LPP: variants seen among roughly 807,000 people sequenced by gnomAD.
LPP encodes LIM domain containing preferred translocation partner in lipoma, also known as lipoma-preferred partner.
A neutral mutation model predicts 60.4 loss-of-function variants in LPP; 38 were observed. That is an observed-to-expected ratio of 0.63 (90% CI 0.49 to 0.83). The LOEUF (loss-of-function observed/expected upper bound fraction) is 0.83. Ranked by LOEUF, LPP falls within the 40% of genes least tolerant of loss-of-function variation. The probability of loss-of-function intolerance (pLI) is 0.00; values close to 1 mark genes in which losing one functional copy is unlikely to be tolerated. For missense variants in LPP, 902 were observed against 783.6 expected (o/e 1.15, Z -1.80); for synonymous variants, 328 against 290.8 (o/e 1.13, Z -1.30).
chr3:188,536,049 C>A (rs1823523612), intron 6 of LPP, among the ~76,000 whole-genome samples: 1 of 138,994 alleles, frequency 7.2e-6, no homozygotes, highest in African/African-American at 2.6e-5. Flanking sequence ...AGTCTTGTTG[C>A]CCAGGCTGGA....
At chr3:188,222,686 A>G (rs1024040199) in intron 1 of LPP, among the ~76,000 whole-genome samples, 3 of 152,180 alleles carry the variant, frequency 2.0e-5, no homozygotes. Flanking sequence ...TCAGGGCCAG[A>G]TAGAACTGTG....
chr3:188,867,091 C>T (rs1412233930), intron 10 of LPP, among the ~76,000 whole-genome samples: 1 of 151,860 alleles, frequency 6.6e-6, no homozygotes, highest in African/African-American at 2.4e-5. Flanking sequence ...ATTCATGGGC[C>T]CAAAATAATC....
At chr3:188,373,460 A>G (rs1166227617) in intron 3 of LPP, among the ~76,000 whole-genome samples, 1 of 152,222 alleles carries the variant, frequency 6.6e-6, no homozygotes, top group Non-Finnish European at 1.5e-5. Flanking sequence ...ATGGCCAGTG[A>G]TGATGAGCCT....
chr3:188,765,285 T>C (rs1733644943), intron 9 of LPP, among the ~76,000 whole-genome samples: 1 of 141,794 alleles, frequency 7.1e-6, no homozygotes, highest in African/African-American at 2.7e-5. Flanking sequence ...TGTCTCTCTT[T>C]CTGTCTCACA....
intron 2 of LPP, among the ~76,000 whole-genome samples, chr3:188,241,972 A>G (rs924470490): frequency 1.3e-5 from 2 of 152,126 alleles, no homozygotes; most frequent in Non-Finnish European, 2.9e-5. Flanking sequence ...GGTAGATTTC[A>G]TGATTCTGAC....
chr3:188,357,322 G>A (rs1767906465), intron 3 of LPP, among the ~76,000 whole-genome samples: 2 of 152,136 alleles, frequency 1.3e-5, no homozygotes, highest in Admixed American at 1.3e-4. Context: ...CATCTCCAAA[G>A]TTCCTCAGGA....
chr3:188,312,486 A>G (rs1345788332), intron 2 of LPP, among the ~76,000 whole-genome samples: 2 of 151,862 alleles, frequency 1.3e-5, no homozygotes, highest in African/African-American at 4.8e-5. Flanking sequence ...TCCTTTTTTG[A>G]TTTTATGTTT....
At chr3:188,199,800 C>T (rs1730552780) in intron 1 of LPP, among the ~76,000 whole-genome samples, 1 of 151,848 alleles carries the variant, frequency 6.6e-6, no homozygotes, top group African/African-American at 2.4e-5. Flanking sequence ...CTGCAACCTC[C>T]CCCTCCCAGG....
chr3:188,217,411 A>G lies in LPP; in HGVS notation c.-189-7994A>G, dbSNP rs1477859366. ...GAATAGGGTCTAGCAGGTGGTGGTA[A>G]GTGAGAGACCTGAGCTTCTTAGACC... On this transcript the variant is annotated intron_variant, in intron 1 of 11. Transcript: ENST00000617246. The surrounding 1 kb of genome is among the most constrained non-coding windows in gnomAD (Gnocchi z 4.0). Among the ~76,000 whole-genome samples the G allele has an allele frequency of 6.6e-6, 1 of 152,002 alleles. No individual in the cohort carries two copies. Among genetic ancestry groups the G allele is most frequent in the Non-Finnish European group, 1.5e-5 (1 of 67,992 alleles).
intron 8 of LPP, chr3:188,710,476 T>C (rs552543253): frequency 2.0e-5 from 3 of 152,236 alleles, no homozygotes; most frequent in East Asian, 1.9e-4. Flanking sequence ...TAATCTAAAG[T>C]ATAACAATAA....
At chr3:188,746,372 T>A in intron 8 of LPP, 1 of 451,272 alleles carries the variant, frequency 2.2e-6, no homozygotes, top group Non-Finnish European at 4.5e-6. Flanking sequence ...GCTGAATAGA[T>A]GAAAGGAACA....
At chr3:188,762,690 G>A (rs1215257823) in intron 9 of LPP, among the ~76,000 whole-genome samples, 2 of 152,130 alleles carry the variant, frequency 1.3e-5, no homozygotes, top group Non-Finnish European at 2.9e-5. Context: ...ATGCTTATGA[G>A]AAGGAAAACT....
chr3:188,423,758 G>T (rs146708892), intron 4 of LPP, among the ~76,000 whole-genome samples: 6 of 150,674 alleles, frequency 4.0e-5, no homozygotes, highest in Non-Finnish European at 4.5e-5. Context: ...TGAGAAGTTT[G>T]TTGGCCACAT....
In LPP at chr3:188,883,173, C is replaced by A. The variant is rs1448528690; in HGVS notation, c.*8694C>A. On this transcript the variant is annotated 3_prime_UTR_variant, in exon 12 of 12. Transcript: ENST00000617246. ...TGTAGTACATGATACAGTGTTGCTT[C>A]CCCCCTCCTTTTCCTTCCATATATA... 4 of 219,616 alleles carry A rather than the reference C, an allele frequency of 1.8e-5. No homozygotes were observed. The highest frequency in any genetic ancestry group is 1.8e-5 in the Non-Finnish European group (2 of 109,352). 13.6% of individuals were successfully genotyped at this position (219,616 alleles called of 1,614,324 possible). A position where few individuals can be genotyped will look rare whatever the true frequency, so the allele number is the denominator to read the frequency against.
chr3:188,451,596 T>C (rs1329961441), intron 4 of LPP, among the ~76,000 whole-genome samples: 2 of 152,180 alleles, frequency 1.3e-5, no homozygotes, highest in Non-Finnish European at 2.9e-5. Context: ...GGACAGGCAT[T>C]AATCAAAATA....
intron 2 of LPP, among the ~76,000 whole-genome samples, chr3:188,316,643 TG>T (rs1307450137): frequency 2.6e-5 from 4 of 152,160 alleles, no homozygotes; most frequent in Non-Finnish European, 5.9e-5. Flanking sequence ...GATGCAGAGC[TG>T]GGGGGAAGCC....
At chr3:188,679,123 G>C (rs1278527388) in intron 7 of LPP, among the ~76,000 whole-genome samples, 1 of 152,154 alleles carries the variant, frequency 6.6e-6, no homozygotes, top group East Asian at 1.9e-4. Flanking sequence ...ATGTGGACTT[G>C]GATTGGAACT....
intron 4 of LPP, among the ~76,000 whole-genome samples, chr3:188,480,622 A>G (rs191110019): frequency 7.2e-5 from 11 of 152,280 alleles, no homozygotes; most frequent in Admixed American, 4.6e-4. Flanking sequence ...ATCGCTGCCA[A>G]TTGCCGGATG....
chr3:188,194,886 G>A (rs554471963), intron 1 of LPP, among the ~76,000 whole-genome samples: 32 of 151,266 alleles, frequency 2.1e-4, no homozygotes, highest in Non-Finnish European at 1.5e-4. Flanking sequence ...TCATTCAGAG[G>A]AGTAAAGTGG....
Sources: gnomAD v4.1 joint callset for allele counts (sites outside exome capture counted in the v4.1 genomes callset) on GRCh38, gnomAD v4.1.1 for gene constraint, Gnocchi (gnomAD v3.1) non-coding constraint, MANE v1.5 for transcripts, NCBI Gene and HGNC (gene_info 2026-07-23, HGNC 2026-07-21) for gene names.